UACA: variants seen among roughly 807,000 people sequenced by gnomAD.
The protein encoded by UACA is nuclear membrane binding protein.
A neutral mutation model predicts 160.5 loss-of-function variants in UACA; 112 were observed. The observed-to-expected ratio is 0.70, with a 90% CI of 0.60 to 0.82. UACA has a LOEUF of 0.82. UACA is among the 40% of genes least tolerant of loss of function. The pLI is 0.00. For synonymous variants in UACA, 557 were observed against 568.4 expected (o/e 0.98, Z 0.29); for missense variants, 1,574 against 1,614.6 (o/e 0.97, Z 0.43).
Position 70,687,542 on chromosome 15 carries a change from G to A in UACA, c.600C>T (p.Asn200=), listed in dbSNP as rs928634952. 1.2e-6 allele frequency: 2 copies of A among 1,613,496 alleles called. No individual in the cohort carries two copies. The highest frequency in any genetic ancestry group is 2.7e-5 in the African/African-American group (2 of 74,876). The change falls in exon 7 of 19, where the codon AAC becomes AAT. Residue 200 remains asparagine (N), a splice_region_variant and synonymous_variant. Transcript: ENST00000322954. The stretch of plus-strand genomic sequence containing the variant: ...GGGAGCCATGATAAAAGAATTACCT[G>A]TTTTGTTTGTCTCTGGAATTAACAT... ...GADVNSRDKQ[N]RTALMLGCEY...
upstream of UACA, among the ~76,000 whole-genome samples, chr15:70,763,802 C>T (rs1238191588): frequency 6.6e-6 from 1 of 152,254 alleles, no homozygotes; most frequent in Non-Finnish European, 1.5e-5. Flanking sequence ...GGCGCCCGCC[C>T]ACCCGGAGCT....
chr15:70,736,874 A>T (rs148432410), intron 1 of UACA, among the ~76,000 whole-genome samples: 15 of 152,222 alleles, frequency 9.9e-5, no homozygotes, highest in African/African-American at 3.6e-4. Context: ...ATAAATGCTT[A>T]TACTTGTAAG....
At chr15:70,697,864 A>T (rs892207846) in intron 2 of UACA, among the ~76,000 whole-genome samples, 2 of 152,130 alleles carry the variant, frequency 1.3e-5, no homozygotes, top group Admixed American at 6.5e-5. Flanking sequence ...CAGCCTGACC[A>T]ACATGAAGAA....
chr15:70,667,686 C>T lies in UACA; in HGVS notation c.2998G>A (p.Ala1000Thr). 2 of 1,613,688 alleles carry T rather than the reference C, an allele frequency of 1.2e-6. No individual in the cohort carries two copies. The highest frequency in any genetic ancestry group is 1.7e-6 in the Non-Finnish European group (2 of 1,179,976). ...SFEECERKFK[A>T]TEKELKDQLS... ...TGGTCTTTTAGTTCTTTCTCTGTTG[C>T]TTTAAATTTTCTCTCGCACTCCTCA... Residue 1000 changes from alanine to threonine, a missense_variant, in exon 16 of 19, where the codon GCA (alanine) becomes ACA (threonine). Coordinates refer to ENST00000322954, the MANE Select transcript of UACA (RefSeq NM_018003.4).
intron 1 of UACA, among the ~76,000 whole-genome samples, chr15:70,724,632 T>C (rs2048055713): frequency 6.6e-6 from 1 of 152,168 alleles, no homozygotes; most frequent in African/African-American, 2.4e-5. Flanking sequence ...GTGTGCTTCA[T>C]GGCTTCCTTG....
chr15:70,681,248 A>G (rs1221747226), intron 9 of UACA, among the ~76,000 whole-genome samples: 4 of 152,252 alleles, frequency 2.6e-5, no homozygotes, highest in Admixed American at 2.6e-4. Context: ...CCCAGCACTT[A>G]GAACAGTAGT....
chr15:70,671,469 T>C (rs1281193877), intron 14 of UACA: 2 of 161,520 alleles, frequency 1.2e-5, no homozygotes, highest in Non-Finnish European at 2.7e-5. Context: ...ATTACTGTTG[T>C]AGGAGAGAAT....
In UACA at chr15:70,714,338, G is replaced by A. The variant is rs374280892; in HGVS notation, c.79-14678C>T. Among the ~76,000 whole-genome samples the A allele has an allele frequency of 3.5e-4, 53 of 152,168 alleles. No individual in the cohort carries two copies. In the East Asian group the frequency reaches 6.0e-3, roughly 17 times the overall value. On this transcript the variant is annotated intron_variant, in intron 1 of 18. Coordinates refer to ENST00000322954, the MANE Select transcript of UACA (RefSeq NM_018003.4). ...AAGGAAAAGAATGTTAAAATATACCGGGGAAACAAAAGCTGTACAGCCAGC... is the reference window on the plus strand; with the variant it reads ...AAGGAAAAGAATGTTAAAATATACCAGGGAAACAAAAGCTGTACAGCCAGC...
chr15:70,763,352 G>C lies in UACA; in HGVS notation c.56C>G (p.Ser19Cys). ...RRQDVPGPAS[S>C]GAAAASAHAA... ...CACCGCGCTGGCGGCGGCGGCGCCA[G>C]ACGACGCGGGGCCGGGCACGTCCTG... The change falls in exon 1 of 19, where the codon TCT (serine) becomes TGT (cysteine). Residue 19 changes from serine (S) to cysteine (C), a missense_variant. Coordinates refer to ENST00000322954, the MANE Select transcript of UACA (RefSeq NM_018003.4). 7.5e-7 allele frequency: 1 copy of C among 1,335,132 alleles called. No individual in the cohort carries two copies. Among genetic ancestry groups the C allele is most frequent in the South Asian group, 2.0e-5 (1 of 50,496 alleles). The allele number at this position is 1,335,132 out of a possible 1,614,324, so 82.7% of individuals were successfully genotyped here.
intron 1 of UACA, among the ~76,000 whole-genome samples, chr15:70,740,180 A>T (rs3985608): frequency 4.0e-5 from 1 of 25,156 alleles, no homozygotes; most frequent in Non-Finnish European, 3.2e-4. Flanking sequence ...AATACATAAG[A>T]AATACTGTGA....
intron 16 of UACA, among the ~76,000 whole-genome samples, chr15:70,665,499 G>A (rs1256719644): frequency 2.0e-5 from 3 of 152,080 alleles, no homozygotes; most frequent in Admixed American, 6.6e-5. Flanking sequence ...CCAACACTTT[G>A]GGAGGCTAAG....
chr15:70,721,619 T>G (rs1193865281), intron 1 of UACA, among the ~76,000 whole-genome samples: 1 of 144,262 alleles, frequency 6.9e-6, no homozygotes, highest in Non-Finnish European at 1.5e-5. Context: ...AGAGCGAGAC[T>G]CCATCTTAAA....
At chr15:70,696,498 T>C (rs889596620) in intron 2 of UACA, among the ~76,000 whole-genome samples, 10 of 152,190 alleles carry the variant, frequency 6.6e-5, no homozygotes, top group African/African-American at 2.4e-4. Flanking sequence ...AGACTCAGTC[T>C]TGCGACGCTA....
chr15:70,682,395 C>G (rs532597266), intron 9 of UACA, among the ~76,000 whole-genome samples: 2 of 152,116 alleles, frequency 1.3e-5, no homozygotes, highest in South Asian at 4.1e-4. Flanking sequence ...AATATTTTGT[C>G]CTGTTATTAA....
At position 70,667,921 on chromosome 15, in the gene UACA, C is replaced by G. The variant is rs1391733409; in HGVS notation, c.2763G>C (p.Glu921Asp). 6.2e-7 allele frequency: 1 copy of G among 1,613,712 alleles called. No homozygotes were observed. The highest frequency in any genetic ancestry group is 2.2e-5 in the East Asian group (1 of 44,884). ...CCTCGTGCTCTGCCAGGCTGATGTA[C>G]TCAGCTTTTATTTGGTTCTGAGTGT... ...LENTQNQIKAEYISLAEHEAK... is the reference protein window; with the variant it reads ...LENTQNQIKADYISLAEHEAK... The change falls in exon 16 of 19, where the codon GAG becomes GAC. Residue 921 changes from glutamate to aspartate, a missense_variant. By Grantham distance (45) the Glu-to-Asp change is conservative (BLOSUM62 2). Coordinates refer to ENST00000322954, the MANE Select transcript of UACA (RefSeq NM_018003.4).
the UACA span, among the ~76,000 whole-genome samples, chr15:70,777,642 G>C: frequency 6.6e-6 from 1 of 152,212 alleles, no homozygotes; most frequent in Non-Finnish European, 1.5e-5. Context: ...AGTGTGCTGG[G>C]TGAGGACTGA....
At chr15:70,696,127 A>ACT (rs1898119328) in intron 2 of UACA, among the ~76,000 whole-genome samples, 1 of 151,988 alleles carries the variant, frequency 6.6e-6, no homozygotes, top group African/African-American at 2.4e-5. Flanking sequence ...ATACAGATAC[A>ACT]CTCTTGTAGC....
At chr15:70,682,210 G>A (rs1897533915) in intron 9 of UACA, among the ~76,000 whole-genome samples, 1 of 152,132 alleles carries the variant, frequency 6.6e-6, no homozygotes, top group Admixed American at 6.6e-5. Context: ...TGCAAAGCAT[G>A]AATTATTTCA....
At chr15:70,765,618 C>T (rs915959806), upstream of UACA, among the ~76,000 whole-genome samples, 3 of 152,190 alleles carry the variant, frequency 2.0e-5, no homozygotes, top group Non-Finnish European at 4.4e-5. Flanking sequence ...TTTGAATTCC[C>T]TAGAATGCTT....
Sources: allele counts gnomAD v4.1 joint callset (sites outside exome capture counted in the v4.1 genomes callset), GRCh38; gene constraint gnomAD v4.1.1; transcripts MANE v1.5; gene names NCBI Gene and HGNC (gene_info 2026-07-23, HGNC 2026-07-21).